The following TSHZ2 variants were observed in gnomAD, a reference collection of about 807,000 sequenced individuals.
The protein encoded by TSHZ2 is teashirt zinc finger homeobox 2.
A neutral mutation model predicts 74.4 loss-of-function variants in TSHZ2; 21 were observed. The observed-to-expected ratio is 0.28, with a 90% CI of 0.20 to 0.41. The LOEUF (loss-of-function observed/expected upper bound fraction) is 0.41. TSHZ2 is among the 10% of genes least tolerant of loss of function. The pLI, the probability that TSHZ2 is intolerant of heterozygous loss-of-function variation, is 1.00. For missense variants in TSHZ2, 1,244 were observed against 1,293.5 expected, an observed-to-expected ratio of 0.96 and a Z score of 0.59; for synonymous variants, 540 against 515.3, an observed-to-expected ratio of 1.05 and a Z score of -0.65.
intron 2 of TSHZ2, among the ~76,000 whole-genome samples, chr20:53,296,490 G>A (rs930083585): frequency 1.3e-5 from 2 of 152,198 alleles, no homozygotes; most frequent in African/African-American, 4.8e-5. Flanking sequence ...TGGGTGAAAA[G>A]TGCTGTCGAA....
intron 2 of TSHZ2, among the ~76,000 whole-genome samples, chr20:53,384,086 C>A (rs1350375206): frequency 6.6e-6 from 1 of 152,114 alleles, no homozygotes; most frequent in Non-Finnish European, 1.5e-5. Flanking sequence ...CCAGGGAAGG[C>A]CCCCAGAGAC....
chr20:53,238,366 G>C (rs1159729770), intron 1 of TSHZ2, among the ~76,000 whole-genome samples: 1 of 152,062 alleles, frequency 6.6e-6, no homozygotes, highest in East Asian at 1.9e-4. Flanking sequence ...TGTCTGTGAG[G>C]ACCAAGGGGG....
intron 2 of TSHZ2, among the ~76,000 whole-genome samples, chr20:53,481,509 G>C (rs969189865): frequency 2.6e-5 from 4 of 151,870 alleles, no homozygotes; most frequent in Admixed American, 6.6e-5. Flanking sequence ...AGGAGGCAGA[G>C]GTTGCAGTGA....
chr20:53,255,500 C>A lies in TSHZ2; in HGVS notation c.2042C>A (p.Ala681Asp), dbSNP rs1568838045. The A allele has an allele frequency of 2.5e-6, 4 of 1,594,596 alleles. No individual in the cohort carries two copies. The highest frequency in any genetic ancestry group is 3.4e-6 in the Non-Finnish European group (4 of 1,173,028). The change falls in exon 2 of 3, where the codon GCC becomes GAC. Residue 681 changes from alanine (A) to aspartate (D), a missense_variant. Physicochemically the swap from Ala to Asp is moderately radical, Grantham distance 126. This residue lies in a region of TSHZ2 where 562 missense variants were observed against 544.0 expected (regional missense o/e 1.03). Transcript: ENST00000371497. The surrounding 1 kb of genome is among the most constrained non-coding windows in gnomAD (Gnocchi z 4.1). The stretch of plus-strand genomic sequence containing the variant: ...ACATCTGCTCTGAGCAATGGGTGCG[C>A]CCTCGCCAACCACGCCCCGGCCCTG... ...EPTSALSNGC[A>D]LANHAPALPC... is the part of the protein sequence containing the mutation.
Position 53,143,376 on chromosome 20 carries a change from T to G in TSHZ2, c.41-110123T>G, listed in dbSNP as rs1258571418. Reference sequence around the variant, plus strand: ...CTGTTGGGCCAACTCCCCATGCCCCTGAGAAACACATTCTTCACAAAAAAT... The same window carrying G: ...CTGTTGGGCCAACTCCCCATGCCCCGGAGAAACACATTCTTCACAAAAAAT... On this transcript the variant is annotated intron_variant, in intron 1 of 2. Coordinates refer to ENST00000371497, the MANE Select transcript of TSHZ2 (RefSeq NM_173485.6). Among the ~76,000 whole-genome samples, 18 of 152,318 alleles carry G rather than the reference T, an allele frequency of 1.2e-4. No homozygotes were observed. In the East Asian group the frequency reaches 1.9e-3, roughly 16 times the overall value.
At chr20:53,483,814 C>A (rs1426486579) in intron 2 of TSHZ2, among the ~76,000 whole-genome samples, 2 of 152,148 alleles carry the variant, frequency 1.3e-5, no homozygotes, top group African/African-American at 4.8e-5. Flanking sequence ...TACTTTCATT[C>A]CCAGGACAAA....
chr20:53,046,095 G>A (rs1002227416), intron 1 of TSHZ2, among the ~76,000 whole-genome samples: 9 of 152,180 alleles, frequency 5.9e-5, no homozygotes, highest in African/African-American at 1.4e-4. Flanking sequence ...AAGCATTCCC[G>A]ATGTGTGCTT....
At chr20:53,293,948 G>A (rs973547715) in intron 2 of TSHZ2, among the ~76,000 whole-genome samples, 14 of 152,020 alleles carry the variant, frequency 9.2e-5, no homozygotes, top group African/African-American at 2.9e-4. Context: ...AAAGGGAGTC[G>A]GAGGTTGCAA....
chr20:53,314,622 C>CTTTTTT (rs11475290), intron 2 of TSHZ2, among the ~76,000 whole-genome samples: 2 of 126,684 alleles, frequency 1.6e-5, no homozygotes, highest in Non-Finnish European at 1.7e-5. Context: ...GTAGTCCTAG[C>CTTTTTT]TTTTTTTTTT....
chr20:53,149,917 T>C (rs1428662594), intron 1 of TSHZ2, among the ~76,000 whole-genome samples: 1 of 152,222 alleles, frequency 6.6e-6, no homozygotes, highest in Non-Finnish European at 1.5e-5. Flanking sequence ...CGTCACCAAA[T>C]GGATCTCCAG....
intron 1 of TSHZ2, among the ~76,000 whole-genome samples, chr20:53,194,034 A>T (rs1255777058): frequency 6.6e-6 from 1 of 152,136 alleles, no homozygotes; most frequent in African/African-American, 2.4e-5. Flanking sequence ...TGATTCATTT[A>T]TCTGATTTGA....
chr20:53,013,613 TA>T (rs774346402), intron 1 of TSHZ2, among the ~76,000 whole-genome samples: 7 of 152,226 alleles, frequency 4.6e-5, no homozygotes, highest in Admixed American at 3.3e-4. Flanking sequence ...TTTGTGGAAT[TA>T]TTAATATCAT....
intron 1 of TSHZ2, among the ~76,000 whole-genome samples, chr20:53,181,820 G>A (rs944919245): frequency 6.6e-6 from 1 of 152,184 alleles, no homozygotes; most frequent in Admixed American, 6.5e-5. Flanking sequence ...CCCGGGAAGC[G>A]GAGCTTGCAG....
intron 1 of TSHZ2, among the ~76,000 whole-genome samples, chr20:53,200,347 A>C (rs570177827): frequency 6.6e-6 from 1 of 152,308 alleles, no homozygotes; most frequent in African/African-American, 2.4e-5. Flanking sequence ...CCTTCACCTG[A>C]AAACCAGGAA....
At chr20:53,123,461 A>G (rs1419233627) in intron 1 of TSHZ2, among the ~76,000 whole-genome samples, 1 of 152,202 alleles carries the variant, frequency 6.6e-6, no homozygotes, top group African/African-American at 2.4e-5. Flanking sequence ...GACAGCCTCA[A>G]CTATGATGGC....
chr20:53,356,270 A>T (rs939718986), intron 2 of TSHZ2, among the ~76,000 whole-genome samples: 1 of 152,152 alleles, frequency 6.6e-6, no homozygotes, highest in Admixed American at 6.5e-5. Context: ...GGAAAGTGAG[A>T]TACAAAATAA....
chr20:53,407,122 T>G (rs1444346402), intron 2 of TSHZ2, among the ~76,000 whole-genome samples: 1 of 152,146 alleles, frequency 6.6e-6, no homozygotes, highest in Non-Finnish European at 1.5e-5. Flanking sequence ...TCTAGAAAAA[T>G]CCTAAAGATT....
intron 2 of TSHZ2, among the ~76,000 whole-genome samples, chr20:53,270,852 C>G (rs1990820109): frequency 1.3e-5 from 2 of 152,124 alleles, no homozygotes; most frequent in Non-Finnish European, 2.9e-5. Flanking sequence ...CTCAATTTCA[C>G]AGTCAAATAA....
intron 2 of TSHZ2, among the ~76,000 whole-genome samples, chr20:53,388,547 TACTC>T (rs1329079699): frequency 1.3e-5 from 2 of 152,024 alleles, no homozygotes; most frequent in South Asian, 2.1e-4. Flanking sequence ...CAGTTGAACA[TACTC>T]ACCTCTTTAA....
Sources: allele counts gnomAD v4.1 joint callset (sites outside exome capture counted in the v4.1 genomes callset), GRCh38; gene constraint gnomAD v4.1.1; regional missense constraint gnomAD v4.1.1; non-coding constraint Gnocchi (gnomAD v3.1); transcripts MANE v1.5; gene names NCBI Gene and HGNC (gene_info 2026-07-23, HGNC 2026-07-21).